The following ADAM12 variants were observed in gnomAD, a reference collection of about 807,000 sequenced individuals.
ADAM12 encodes ADAM metallopeptidase domain 12, also known as disintegrin and metalloproteinase domain-containing protein 12.
ADAM12 carries 70 observed loss-of-function variants against 106.4 expected under a neutral mutation model. That is an observed-to-expected ratio of 0.66 (90% CI 0.54 to 0.80). ADAM12 has a LOEUF of 0.80. Ranked by LOEUF, ADAM12 falls within the 30% of genes least tolerant of loss-of-function variation. ADAM12 has a pLI of 0.00. For synonymous variants in ADAM12, 420 were observed against 433.5 expected (o/e 0.97, Z 0.39); for missense variants, 1,010 against 1,171.9 (o/e 0.86, Z 2.02).
chr10:126,065,426 G>A (rs1954847270), intron 13 of ADAM12, among the ~76,000 whole-genome samples: 1 of 152,330 alleles, frequency 6.6e-6, no homozygotes, highest in African/African-American at 2.4e-5. Context: ...GTGTGGGCAA[G>A]TTAATAAAAA....
intron 2 of ADAM12, among the ~76,000 whole-genome samples, chr10:126,285,083 C>T (rs947182881): frequency 1.3e-5 from 2 of 152,122 alleles, no homozygotes; most frequent in African/African-American, 4.8e-5. Context: ...TAAGAGGAGC[C>T]GGTAGGTGCT....
intron 3 of ADAM12, among the ~76,000 whole-genome samples, chr10:126,155,758 C>A (rs868329085): frequency 6.6e-6 from 1 of 152,292 alleles, no homozygotes; most frequent in Non-Finnish European, 1.5e-5. Context: ...CATTCTGATC[C>A]ACAGCAGTGC....
At chr10:126,086,695 AT>A (rs1176243032) in intron 11 of ADAM12, among the ~76,000 whole-genome samples, 6 of 91,064 alleles carry the variant, frequency 6.6e-5, no homozygotes, top group African/African-American at 1.9e-4. Flanking sequence ...ATATATATAT[AT>A]ATATATATAT....
At chr10:126,112,782 G>A (rs1376451897) in intron 6 of ADAM12, among the ~76,000 whole-genome samples, 1 of 151,836 alleles carries the variant, frequency 6.6e-6, no homozygotes, top group Admixed American at 6.6e-5. Context: ...CCTGTGTAGG[G>A]TGCTGGGGAT....
At chr10:126,364,677 A>G (rs1271047317) in intron 1 of ADAM12, among the ~76,000 whole-genome samples, 1 of 152,200 alleles carries the variant, frequency 6.6e-6, no homozygotes, top group Non-Finnish European at 1.5e-5. Flanking sequence ...AACAGCTCTT[A>G]ACAAATCAAT....
chr10:126,134,531 G>A lies in ADAM12; in HGVS notation c.416+1053C>T, dbSNP rs1033612060. 7.2e-5 allele frequency among the ~76,000 whole-genome samples: 11 copies of A among 152,218 alleles called. No individual in the cohort carries two copies. In the South Asian group the frequency reaches 2.3e-3, roughly 32 times the overall value. On this transcript the variant is annotated intron_variant, in intron 5 of 22. Transcript: ENST00000448723. ...GAATAGCTTTGTGTACTTATTTTTA[G>A]TTACATGAAAGGACCAACGCTGGTA...
intron 12 of ADAM12, among the ~76,000 whole-genome samples, 169 bp downstream of exon 12, chr10:126,071,308 C>A (rs1954984432): frequency 1.3e-5 from 2 of 152,118 alleles, no homozygotes; most frequent in South Asian, 2.1e-4. Context: ...AGTTAAAATT[C>A]AAGAAAGCCA....
At chr10:126,120,173 CTG>C (rs762431229) in intron 5 of ADAM12, among the ~76,000 whole-genome samples, 1 of 152,190 alleles carries the variant, frequency 6.6e-6, no homozygotes, top group Non-Finnish European at 1.5e-5. Flanking sequence ...ACATACATAC[CTG>C]TAGGGGCTAA....
At chr10:126,331,575 A>C (rs1046683663) in intron 1 of ADAM12, among the ~76,000 whole-genome samples, 2 of 152,174 alleles carry the variant, frequency 1.3e-5, no homozygotes, top group Admixed American at 6.5e-5. Flanking sequence ...CACTGTCTGA[A>C]ACAGCCTCTG....
intron 4 of ADAM12, among the ~76,000 whole-genome samples, chr10:126,154,754 GATAA>G (rs937400167): frequency 9.2e-5 from 14 of 152,104 alleles, no homozygotes; most frequent in Admixed American, 8.5e-4. Flanking sequence ...CCTGAGAGGG[GATAA>G]ATGTCATGTT....
chr10:126,056,219 G>A (rs892517130), intron 14 of ADAM12, among the ~76,000 whole-genome samples: 2 of 152,176 alleles, frequency 1.3e-5, no homozygotes, highest in Non-Finnish European at 2.9e-5. Flanking sequence ...GAGGGAGTGA[G>A]GGATGCCATA....
At chr10:126,230,900 T>C (rs1958296783) in intron 3 of ADAM12, among the ~76,000 whole-genome samples, 1 of 152,246 alleles carries the variant, frequency 6.6e-6, no homozygotes, top group African/African-American at 2.4e-5. Flanking sequence ...CTTAGAGTTT[T>C]TTCCCTTTAC....
intron 2 of ADAM12, among the ~76,000 whole-genome samples, chr10:126,320,292 T>A (rs1038539267): frequency 6.6e-5 from 10 of 152,044 alleles, no homozygotes; most frequent in Non-Finnish European, 1.5e-4. Flanking sequence ...GCATGAGGAG[T>A]GTCTTAAATA....
At chr10:126,165,419 A>G (rs1017248350) in intron 3 of ADAM12, among the ~76,000 whole-genome samples, 2 of 152,184 alleles carry the variant, frequency 1.3e-5, no homozygotes, top group Non-Finnish European at 2.9e-5. Context: ...AGCCTCCCAA[A>G]GTGCTGGGAT....
intron 2 of ADAM12, among the ~76,000 whole-genome samples, chr10:126,288,833 G>A (rs1396599453): frequency 6.6e-6 from 1 of 150,984 alleles, no homozygotes; most frequent in Non-Finnish European, 1.5e-5. Context: ...CCAGGGACAG[G>A]AAAGTGGTGA....
chr10:126,133,908 C>A (rs1055896470), intron 5 of ADAM12, among the ~76,000 whole-genome samples: 3 of 152,212 alleles, frequency 2.0e-5, no homozygotes, highest in African/African-American at 7.2e-5. Flanking sequence ...CCCTGACTAC[C>A]TGTTGCCTTT....
At chr10:126,180,850 T>C (rs1470951007) in intron 3 of ADAM12, among the ~76,000 whole-genome samples, 2 of 152,130 alleles carry the variant, frequency 1.3e-5, no homozygotes, top group African/African-American at 4.8e-5. Flanking sequence ...AGGGCCATCG[T>C]TACTGCAATT....
intron 2 of ADAM12, among the ~76,000 whole-genome samples, chr10:126,284,744 C>A (rs976733807): frequency 6.6e-6 from 1 of 152,174 alleles, no homozygotes; most frequent in Non-Finnish European, 1.5e-5. Context: ...GCAGGTGACC[C>A]ATCTCTTCTC....
intron 6 of ADAM12, among the ~76,000 whole-genome samples, chr10:126,115,962 A>C (rs1278387): frequency 6.6e-6 from 1 of 152,128 alleles, no homozygotes; most frequent in Non-Finnish European, 1.5e-5. Context: ...AAACCATCAC[A>C]GTGCTTTCTA....
Sources: gnomAD v4.1 joint callset for allele counts (sites outside exome capture counted in the v4.1 genomes callset) on GRCh38, gnomAD v4.1.1 for gene constraint, MANE v1.5 for transcripts, NCBI Gene and HGNC (gene_info 2026-07-23, HGNC 2026-07-21) for gene names.